The following ZNF471 variants were observed in gnomAD, a reference collection of about 807,000 sequenced individuals.
The protein encoded by ZNF471 is zinc finger protein 471.
In ZNF471, 7 loss-of-function variants were observed where a neutral mutation model predicts 13.7. The observed-to-expected ratio is 0.51, with a 90% CI of 0.29 to 0.96. ZNF471 has a LOEUF of 0.96. ZNF471 is among the 40% of genes least tolerant of loss of function. The pLI is 0.08. For missense variants in ZNF471, 663 were observed against 743.3 expected (o/e 0.89, Z 1.26); for synonymous variants, 218 against 235.6 (o/e 0.93, Z 0.68).
rs1434379720 is a variant in ZNF471, at chr19:56,529,550, G to C, written c.*3602G>C. 1 of 152,212 alleles carries C rather than the reference G, an allele frequency of 6.6e-6. No individual in the cohort carries two copies. Among genetic ancestry groups the C allele is most frequent in the Non-Finnish European group, 1.5e-5 (1 of 68,038 alleles). 9.4% of individuals were successfully genotyped at this position (152,212 alleles called of 1,614,324 possible). A position where few individuals can be genotyped will look rare whatever the true frequency, so the allele number is the denominator to read the frequency against. On this transcript the variant is annotated 3_prime_UTR_variant, in exon 5 of 5. Transcript: ENST00000308031. ...AGTTAAAAGGCATATGACAGGCTGA[G>C]AGATATCTTAAACATACATTAGAAA... is the stretch of plus-strand genomic sequence containing the variant.
Position 56,529,256 on chromosome 19 carries a change from T to G in ZNF471, c.*3308T>G, listed in dbSNP as rs558765385. Reference sequence around the variant, plus strand: ...TTTTATATTTGAAAAGTGTTTTCGATGTATCATTGGGGGAGATTAAATGTC... The same window carrying G: ...TTTTATATTTGAAAAGTGTTTTCGAGGTATCATTGGGGGAGATTAAATGTC... On this transcript the variant is annotated 3_prime_UTR_variant, in exon 5 of 5. Coordinates refer to ENST00000308031, the MANE Select transcript of ZNF471 (RefSeq NM_020813.4). The G allele has an allele frequency of 6.6e-6, 1 of 152,354 alleles. No homozygotes were observed. Among genetic ancestry groups the G allele is most frequent in the East Asian group, 1.9e-4 (1 of 5,188 alleles). The allele number at this position is 152,354 out of a possible 1,614,324, so 9.4% of individuals were successfully genotyped here.
chr19:56,529,962 AG>A lies in ZNF471; in HGVS notation c.*4015del, dbSNP rs2044089367. 1 of 152,264 alleles carries A rather than the reference AG, an allele frequency of 6.6e-6. No individual in the cohort carries two copies. 9.4% of individuals were successfully genotyped at this position (152,264 alleles called of 1,614,324 possible). A position where few individuals can be genotyped will look rare whatever the true frequency, so the allele number is the denominator to read the frequency against. ...GTCAGTTATGTTCTCAAAAAGCACA[AG>A]TGCAGAAATATAGATGCATAAGCAA... On this transcript the variant is annotated 3_prime_UTR_variant, in exon 5 of 5. Transcript: ENST00000308031.
In ZNF471 at chr19:56,508,094, C is replaced by T; in HGVS notation, c.-56+174C>T. ...GTACTCGAGTCTGCGGGGCGGAGGC[C>T]GCGGCTCGGGGCTGCTGGGCGTTCG... On this transcript the variant is annotated intron_variant, in intron 1 of 4. Coordinates refer to ENST00000308031, the MANE Select transcript of ZNF471 (RefSeq NM_020813.4). This position sits in a 1 kb window ranked among gnomAD's most constrained non-coding sequence, Gnocchi z 4.7. The T allele has an allele frequency of 1.0e-6, 1 of 985,038 alleles. No individual in the cohort carries two copies. The highest frequency in any genetic ancestry group is 1.2e-6 in the Non-Finnish European group (1 of 829,604). The allele number at this position is 985,038 out of a possible 1,614,324, so 61.0% of individuals were successfully genotyped here. A position where few individuals can be genotyped will look rare whatever the true frequency, so the allele number is the denominator to read the frequency against.
At chr19:56,511,325 A>G (rs1600505296) in intron 1 of ZNF471, among the ~76,000 whole-genome samples, 192 bp from the exon 2 acceptor site, 2 of 151,958 alleles carry the variant, frequency 1.3e-5, no homozygotes, top group Non-Finnish European at 2.9e-5. Flanking sequence ...CTCTTTGAAA[A>G]AGATTAAATT....
chr19:56,517,164 G>A (rs902653361), intron 3 of ZNF471, among the ~76,000 whole-genome samples: 3 of 122,584 alleles, frequency 2.4e-5, no homozygotes, highest in Non-Finnish European at 3.4e-5. Flanking sequence ...TTTTTTTTGA[G>A]ACAGTCTTGC....
Position 56,508,716 on chromosome 19 carries a change from C to T in ZNF471, c.-56+796C>T, listed in dbSNP as rs1167281390. ...GAAATGGGTGTTTTGGGTGAAAGACCCGTCAGTGTGTGAGGCCGTGTTATG... is the reference window on the plus strand; with the variant it reads ...GAAATGGGTGTTTTGGGTGAAAGACTCGTCAGTGTGTGAGGCCGTGTTATG... On this transcript the variant is annotated intron_variant, in intron 1 of 4. Transcript: ENST00000308031. This position sits in a 1 kb window ranked among gnomAD's most constrained non-coding sequence, Gnocchi z 4.7. Among the ~76,000 whole-genome samples, 1 of 151,278 alleles carries T rather than the reference C, an allele frequency of 6.6e-6. No homozygotes were observed. The highest frequency in any genetic ancestry group is 2.4e-5 in the African/African-American group (1 of 41,118).
chr19:56,523,836 T>A (rs1333742808), intron 4 of ZNF471, among the ~76,000 whole-genome samples: 1 of 152,230 alleles, frequency 6.6e-6, no homozygotes, highest in Non-Finnish European at 1.5e-5. Flanking sequence ...TTTTTGTTTT[T>A]GTTTTGAGAC....
chr19:56,528,409 C>CT lies in ZNF471; in HGVS notation c.*2468dup, dbSNP rs1026005516. On this transcript the variant is annotated 3_prime_UTR_variant, in exon 5 of 5. Coordinates refer to ENST00000308031, the MANE Select transcript of ZNF471 (RefSeq NM_020813.4). ...AAAAATTTTGGAACCAAAACAGTAT[C>CT]TTTTTTTAAGCTAAAAAAAAAGTTT... The CT allele has an allele frequency of 1.5e-5, 2 of 134,196 alleles. No homozygotes were observed. Among genetic ancestry groups the CT allele is most frequent in the Admixed American group, 7.3e-5 (1 of 13,752 alleles). 8.3% of individuals were successfully genotyped at this position (134,196 alleles called of 1,614,324 possible).
chr19:56,514,119 A>C (rs1394499564), intron 2 of ZNF471, among the ~76,000 whole-genome samples: 1 of 138,384 alleles, frequency 7.2e-6, no homozygotes, highest in Non-Finnish European at 1.5e-5. Context: ...GCTGGAGTGC[A>C]GTGGCAGGAT....
At position 56,516,424 on chromosome 19, in the gene ZNF471, A is replaced by G. The variant is rs2043890057; in HGVS notation, c.160+23A>G. On this transcript the variant is annotated intron_variant, in intron 3 of 4. Coordinates refer to ENST00000308031, the MANE Select transcript of ZNF471 (RefSeq NM_020813.4). The surrounding 1 kb of genome is among the most constrained non-coding windows in gnomAD (Gnocchi z 4.4). ...TTGGTGAGGATCTTTTCCCTCCTGC[A>G]TAATCTACCTTTAAGGAACTTTTTT... The G allele has an allele frequency of 6.3e-7, 1 of 1,594,872 alleles. No homozygotes were observed. Among genetic ancestry groups the G allele is most frequent in the East Asian group, 2.2e-5 (1 of 44,570 alleles).
rs3219817 is a variant in ZNF471, at chr19:56,508,229, C to CTGTG, written c.-56+330_-56+333dup. On this transcript the variant is annotated intron_variant, in intron 1 of 4. Coordinates refer to ENST00000308031, the MANE Select transcript of ZNF471 (RefSeq NM_020813.4). The surrounding 1 kb of genome is among the most constrained non-coding windows in gnomAD (Gnocchi z 4.7). ...GAGGCTCCGTGAGAGGGTGTGGTTT[C>CTGTG]TGTGTGTGTGTGTGTGTGTGTGTGA... The CTGTG allele has an allele frequency of 9.0e-3, 7,171 of 799,664 alleles. 6 individuals carry two copies. The highest frequency in any genetic ancestry group is 0.013 in the Middle Eastern group (21 of 1,586). 49.5% of individuals were successfully genotyped at this position (799,664 alleles called of 1,614,324 possible).
Position 56,508,054 on chromosome 19 carries a change from G to A in ZNF471, c.-56+134G>A, listed in dbSNP as rs2043755820. ...CCCAGGACGACTACATTTCCCAGAG[G>A]CCAGCGGGGCGCGCGTACTCGAGTC... On this transcript the variant is annotated intron_variant, in intron 1 of 4. Coordinates refer to ENST00000308031, the MANE Select transcript of ZNF471 (RefSeq NM_020813.4). This position sits in a 1 kb window ranked among gnomAD's most constrained non-coding sequence, Gnocchi z 4.7. 2.1e-5 allele frequency: 21 copies of A among 985,954 alleles called. No homozygotes were observed. The highest frequency in any genetic ancestry group is 9.3e-5 in the South Asian group (2 of 21,444). The allele number at this position is 985,954 out of a possible 1,614,324, so 61.1% of individuals were successfully genotyped here. A position where few individuals can be genotyped will look rare whatever the true frequency, so the allele number is the denominator to read the frequency against.
chr19:56,511,755 C>A, intron 2 of ZNF471, 151 bp downstream of exon 2: 1 of 647,628 alleles, frequency 1.5e-6, no homozygotes, highest in African/African-American at 1.8e-5. Context: ...ACTCTAATTA[C>A]CTAATGAGTG....
chr19:56,518,550 A>G lies in ZNF471; in HGVS notation c.229A>G (p.Ser77Gly). Residue 77 changes from serine (S) to glycine (G), a missense_variant, in exon 4 of 5, where the codon AGT (serine) becomes GGT (glycine). Transcript: ENST00000308031. ...AGGGAGAGAGCCTTGGGAGATGACG[A>G]GTGAGATGACAAGAAGCCCATTCTC... ...EQGREPWEMT[S>G]EMTRSPFSDW... 1 of 1,613,582 alleles carries G rather than the reference A, an allele frequency of 6.2e-7. No individual in the cohort carries two copies. Among genetic ancestry groups the G allele is most frequent in the Non-Finnish European group, 8.5e-7 (1 of 1,179,810 alleles).
intron 4 of ZNF471, among the ~76,000 whole-genome samples, chr19:56,520,779 A>G (rs1167495736): frequency 6.6e-6 from 1 of 152,234 alleles, no homozygotes; most frequent in Non-Finnish European, 1.5e-5. Flanking sequence ...CCCAGTCTGC[A>G]GATCTGTGAG....
chr19:56,515,463 G>C (rs192428183), intron 2 of ZNF471, among the ~76,000 whole-genome samples: 1 of 152,272 alleles, frequency 6.6e-6, no homozygotes, highest in African/African-American at 2.4e-5. Context: ...CTAAAGGTAT[G>C]TATATCTTCT....
At chr19:56,519,073 T>A (rs1450218560) in intron 4 of ZNF471, among the ~76,000 whole-genome samples, 7 of 152,262 alleles carry the variant, frequency 4.6e-5, no homozygotes, top group African/African-American at 1.4e-4. Flanking sequence ...TTTAGCTTTT[T>A]CATTATACTT....
chr19:56,507,967 G>A (rs2043754298), intron 1 of ZNF471, 47 bp downstream of exon 1: 1 of 986,176 alleles, frequency 1.0e-6, no homozygotes, highest in Non-Finnish European at 1.2e-6. Context: ...GCTGGGCCAG[G>A]AAGGGCAGGC....
At chr19:56,513,258 T>C (rs1180561926) in intron 2 of ZNF471, among the ~76,000 whole-genome samples, 2 of 152,228 alleles carry the variant, frequency 1.3e-5, no homozygotes, top group Non-Finnish European at 2.9e-5. Flanking sequence ...AACCTACTAC[T>C]ATAGATGATA....
Sources: allele counts gnomAD v4.1 joint callset (sites outside exome capture counted in the v4.1 genomes callset), GRCh38; gene constraint gnomAD v4.1.1; non-coding constraint Gnocchi (gnomAD v3.1); transcripts MANE v1.5; gene names NCBI Gene and HGNC (gene_info 2026-07-23, HGNC 2026-07-21).